KIAA1217: variants seen among roughly 807,000 people sequenced by gnomAD.
KIAA1217 encodes the protein KIAA1217.
A neutral mutation model predicts 163.9 loss-of-function variants in KIAA1217; 88 were observed. The ratio of observed to expected loss-of-function variants is 0.54; its 90% CI spans 0.45 to 0.64. The LOEUF (loss-of-function observed/expected upper bound fraction) is 0.64. Ranked by LOEUF, KIAA1217 falls within the 30% of genes least tolerant of loss-of-function variation. The pLI is 0.00. For missense variants in KIAA1217, 2,372 were observed against 2,475.0 expected (o/e 0.96, Z 0.88); for synonymous variants, 903 against 923.1 (o/e 0.98, Z 0.39).
At chr10:24,152,562 G>T (rs1428491106) in intron 2 of KIAA1217, among the ~76,000 whole-genome samples, 1 of 152,070 alleles carries the variant, frequency 6.6e-6, no homozygotes, top group African/African-American at 2.4e-5. Flanking sequence ...GTGTGATGAT[G>T]GTCTTCACAA....
chr10:23,934,597 AT>A lies in KIAA1217; in HGVS notation c.-320-72627del, dbSNP rs1843428965. Among the ~76,000 whole-genome samples, 9 of 82,190 alleles carry A rather than the reference AT, an allele frequency of 1.1e-4. 1 individual carries two copies. The African/African-American group carries it at 1.1e-3, about 10-fold the overall frequency. The allele number at this position is 82,190 out of a possible 152,430, so 53.9% of individuals were successfully genotyped here. A position where few individuals can be genotyped will look rare whatever the true frequency, so the allele number is the denominator to read the frequency against. On this transcript the variant is annotated intron_variant, in intron 1 of 18. Transcript: ENST00000376462. ...TATATATATATATATATATGTATAT[AT>A]ATATATATGTATATATATATATATA...
chr10:23,771,724 T>C (rs1334455563), intron 1 of KIAA1217, among the ~76,000 whole-genome samples: 2 of 152,146 alleles, frequency 1.3e-5, no homozygotes, highest in African/African-American at 2.4e-5. Flanking sequence ...ACATGAGGGA[T>C]TGCATGTGTT....
chr10:24,477,664 A>G lies in KIAA1217; in HGVS notation c.1679+3604A>G, dbSNP rs138841030. 9.8e-4 allele frequency among the ~76,000 whole-genome samples: 149 copies of G among 152,380 alleles called. 2 individuals carry two copies. Among genetic ancestry groups the G allele is most frequent in the African/African-American group, 3.1e-3 (128 of 41,598 alleles). On this transcript the variant is annotated intron_variant, in intron 6 of 20. Transcript: ENST00000376454. ...CATAATTATGCTGCTAAATATACAC[A>G]TGCCATTTTAAATATAACTGCCCTA...
intron 1 of KIAA1217, among the ~76,000 whole-genome samples, chr10:23,962,636 G>T (rs192207584): frequency 6.6e-6 from 1 of 152,180 alleles, no homozygotes; most frequent in East Asian, 1.9e-4. Flanking sequence ...ACCCTACCCC[G>T]TATCCCACCC....
Position 23,695,939 on chromosome 10 carries a change from C to T in KIAA1217, c.-321+705C>T, listed in dbSNP as rs1836005954. On this transcript the variant is annotated intron_variant, in intron 1 of 18. Transcript: ENST00000376462. This position sits in a 1 kb window ranked among gnomAD's most constrained non-coding sequence, Gnocchi z 4.9. ...GACAGCGCCCGGGAGCAGGGTGACC[C>T]CCACAGCGGCCGGCCTTCCGGCTGG... 6.6e-6 allele frequency among the ~76,000 whole-genome samples: 1 copy of T among 152,218 alleles called. No individual in the cohort carries two copies. The highest frequency in any genetic ancestry group is 6.5e-5 in the Admixed American group (1 of 15,288).
intron 1 of KIAA1217, among the ~76,000 whole-genome samples, chr10:23,851,661 C>T (rs569741725): frequency 3.3e-5 from 5 of 152,318 alleles, no homozygotes; most frequent in South Asian, 2.1e-4. Context: ...TCTCCACATC[C>T]TCTCCAGCAC....
intron 1 of KIAA1217, among the ~76,000 whole-genome samples, chr10:23,838,846 C>T (rs1473199865): frequency 6.6e-6 from 1 of 152,026 alleles, no homozygotes; most frequent in Non-Finnish European, 1.5e-5. Context: ...TGACTTAGGA[C>T]TTTCTTAAAT....
At chr10:23,781,166 C>G (rs1306235154) in intron 1 of KIAA1217, among the ~76,000 whole-genome samples, 2 of 152,160 alleles carry the variant, frequency 1.3e-5, no homozygotes, top group African/African-American at 4.8e-5. Flanking sequence ...CTGTTTTTAA[C>G]TTTTTGAGGA....
intron 2 of KIAA1217, among the ~76,000 whole-genome samples, chr10:24,016,724 AT>A (rs1190023616): frequency 6.6e-6 from 1 of 152,104 alleles, no homozygotes; most frequent in African/African-American, 2.4e-5. Flanking sequence ...TTACCTAGTT[AT>A]TTAACCTCTT....
chr10:24,257,814 G>A (rs1038320332), intron 2 of KIAA1217, among the ~76,000 whole-genome samples: 7 of 152,100 alleles, frequency 4.6e-5, no homozygotes, highest in Admixed American at 6.6e-5. Context: ...GTGACAAGGC[G>A]GGATAACGTA....
intron 3 of KIAA1217, among the ~76,000 whole-genome samples, chr10:24,389,376 G>A (rs904276299): frequency 2.6e-5 from 4 of 151,616 alleles, no homozygotes; most frequent in African/African-American, 9.7e-5. Context: ...ACAGGGTGGG[G>A]AATATCACAC....
In KIAA1217 at chr10:23,828,152, AG is replaced by A. The variant is rs571719271; in HGVS notation, c.-321+132919del. Among the ~76,000 whole-genome samples the A allele has an allele frequency of 1.7e-4, 26 of 152,294 alleles. No individual in the cohort carries two copies. In the South Asian group the frequency reaches 3.1e-3, roughly 18 times the overall value. On this transcript the variant is annotated intron_variant, in intron 1 of 18. Coordinates refer to the KIAA1217 transcript ENST00000376462. ...CAGGGTGTTCCTGGGTCTGGCTCTG[AG>A]CCCTTGTTTAGTTCGGAGCTATGCC...
At position 24,388,670 on chromosome 10, in the gene KIAA1217, G is replaced by A. The variant is rs571127268; in HGVS notation, c.553+7603G>A. ...TTTACAATCTACCCACCTGACAAAG[G>A]GCTAATATCCAGAATCTACAAAGAA... On this transcript the variant is annotated intron_variant, in intron 3 of 20. Coordinates refer to ENST00000376454, the MANE Select transcript of KIAA1217 (RefSeq NM_019590.5). Among the ~76,000 whole-genome samples, 710 of 151,894 alleles carry A rather than the reference G, an allele frequency of 4.7e-3. 2 individuals carry two copies. The highest frequency in any genetic ancestry group is 8.5e-3 in the Non-Finnish European group (578 of 67,974).
intron 1 of KIAA1217, among the ~76,000 whole-genome samples, chr10:23,732,364 C>T (rs993130223): frequency 2.6e-5 from 4 of 151,800 alleles, no homozygotes; most frequent in African/African-American, 9.7e-5. Flanking sequence ...CCCAAAACAA[C>T]AAAAACAAAA....
intron 1 of KIAA1217, among the ~76,000 whole-genome samples, chr10:23,902,405 C>A (rs568934706): frequency 9.2e-5 from 14 of 152,108 alleles, no homozygotes; most frequent in African/African-American, 3.1e-4. Context: ...GGACATGGAG[C>A]AAGAAGTCTG....
chr10:23,823,567 C>T (rs1475459336), intron 1 of KIAA1217, among the ~76,000 whole-genome samples: 1 of 152,112 alleles, frequency 6.6e-6, no homozygotes, highest in African/African-American at 2.4e-5. Flanking sequence ...TCTGCAAAGT[C>T]CCTCTTGCCA....
At chr10:24,475,364 C>T (rs1239551856) in intron 6 of KIAA1217, among the ~76,000 whole-genome samples, 3 of 152,234 alleles carry the variant, frequency 2.0e-5, no homozygotes, top group South Asian at 4.1e-4. Context: ...GGAATGTGAC[C>T]TGTCTACCTT....
intron 2 of KIAA1217, among the ~76,000 whole-genome samples, chr10:24,167,973 G>C (rs1253521880): frequency 1.3e-5 from 2 of 152,160 alleles, no homozygotes; most frequent in Non-Finnish European, 2.9e-5. Context: ...CCATCCATGA[G>C]AGCAGAGCCC....
intron 1 of KIAA1217, among the ~76,000 whole-genome samples, chr10:23,782,538 T>A (rs909127404): frequency 1.3e-5 from 2 of 152,188 alleles, no homozygotes; most frequent in Non-Finnish European, 2.9e-5. Flanking sequence ...TCTCTAGTAA[T>A]TCTCCTGCCT....
Sources: allele counts gnomAD v4.1 joint callset (sites outside exome capture counted in the v4.1 genomes callset), GRCh38; gene constraint gnomAD v4.1.1; non-coding constraint Gnocchi (gnomAD v3.1); transcripts MANE v1.5; gene names NCBI Gene and HGNC (gene_info 2026-07-23, HGNC 2026-07-21).